CCT5: variants seen among roughly 807,000 people sequenced by gnomAD.
CCT5 encodes the protein chaperonin containing TCP1 subunit 5, also known as T-complex protein 1 subunit epsilon.
In CCT5, 6 loss-of-function variants were observed where a neutral mutation model predicts 55.0. The observed-to-expected ratio is 0.11, with a 90% CI of 0.06 to 0.22. The LOEUF is 0.22. CCT5 is among the 10% of genes least tolerant of loss of function. The pLI is 1.00. For synonymous variants in CCT5, 231 were observed against 243.7 expected, an observed-to-expected ratio of 0.95 and a Z score of 0.49; for missense variants, 560 against 694.6, an observed-to-expected ratio of 0.81 and a Z score of 2.18.
upstream of CCT5, chr5:10,250,232 T>C (rs1481937280): frequency 2.5e-6 from 4 of 1,575,952 alleles, no homozygotes; most frequent in African/African-American, 4.0e-5. Flanking sequence ...CCCGCGCGTC[T>C]TGTGCTGCGC....
chr5:10,255,875 A>G (rs1745648671), intron 3 of CCT5, 80 bp from the exon 4 acceptor site: 1 of 1,190,986 alleles, frequency 8.4e-7, no homozygotes, highest in African/African-American at 1.5e-5. Context: ...TTTCCATGAT[A>G]GCATCTAACT....
intron 7 of CCT5, chr5:10,261,285 G>A (rs906393026): frequency 7.8e-6 from 4 of 514,684 alleles, no homozygotes; most frequent in African/African-American, 7.7e-5. Context: ...AGTGAGGGAG[G>A]GCTGCACAGA....
At chr5:10,251,455 C>T (rs1745407637) in intron 1 of CCT5, among the ~76,000 whole-genome samples, 1 of 152,218 alleles carries the variant, frequency 6.6e-6, no homozygotes, top group African/African-American at 2.4e-5. Flanking sequence ...TCCGAGAGGG[C>T]CTTCAGGGTT....
At chr5:10,250,858 G>A (rs1745359204) in intron 1 of CCT5, 18 of 1,050,520 alleles carry the variant, frequency 1.7e-5, no homozygotes, top group South Asian at 3.3e-5. Flanking sequence ...TGGTCCACCC[G>A]CAACGGCCCT....
chr5:10,253,224 G>A (rs1237123991), intron 1 of CCT5, among the ~76,000 whole-genome samples: 1 of 152,186 alleles, frequency 6.6e-6, no homozygotes, highest in Non-Finnish European at 1.5e-5. Context: ...CAGCTACTGG[G>A]GGGCTGAGGC....
chr5:10,254,714 T>G lies in CCT5; in HGVS notation c.207T>G (p.Thr69=), dbSNP rs1579447878. The change falls in exon 3 of 11, where the codon ACT becomes ACG. Residue 69 remains threonine (T), a synonymous_variant. Coordinates refer to ENST00000280326, the MANE Select transcript of CCT5 (RefSeq NM_012073.5). ...TGGTGGATAAGGATGGAGATGTGAC[T>G]GTAACTAATGATGGGGCCACCATCT... is the stretch of plus-strand genomic sequence containing the variant. ...KMMVDKDGDV[T]VTNDGATILS... is the part of the protein sequence containing the mutation. 6.2e-7 allele frequency: 1 copy of G among 1,613,618 alleles called. No homozygotes were observed. The highest frequency in any genetic ancestry group is 8.5e-7 in the Non-Finnish European group (1 of 1,179,652).
chr5:10,260,900 C>G lies in CCT5; in HGVS notation c.982C>G (p.Pro328Ala), dbSNP rs943623000. 6.2e-7 allele frequency: 1 copy of G among 1,613,980 alleles called. No individual in the cohort carries two copies. Among genetic ancestry groups the G allele is most frequent in the African/African-American group, 1.3e-5 (1 of 74,992 alleles). ...GCCTGCGGTTCGCTGGGTAGGAGGA[C>G]CTGAAATTGAGGTAGGATGTTCCAC... ...NLPAVRWVGG[P>A]EIELIAIATG... The change falls in exon 7 of 11, where the codon CCT becomes GCT. Residue 328 changes from proline to alanine, a missense_variant. Pro to Ala is a conservative substitution (Grantham distance 27). Around this residue, in one of 4 missense-constraint regions of CCT5, gnomAD observed 256 missense variants for 372.4 expected, o/e 0.69. Coordinates refer to ENST00000280326, the MANE Select transcript of CCT5 (RefSeq NM_012073.5).
intron 6 of CCT5, 128 bp from the exon 7 acceptor site, chr5:10,260,664 C>G: frequency 1.0e-6 from 1 of 960,402 alleles, no homozygotes; most frequent in Non-Finnish European, 1.7e-6. Flanking sequence ...CCTTCCTTCT[C>G]TTTCCTTTGC....
chr5:10,250,765 G>A (rs1745352890), intron 1 of CCT5: 3 of 1,216,046 alleles, frequency 2.5e-6, no homozygotes, highest in Non-Finnish European at 3.1e-6. Flanking sequence ...CCTGACGGCC[G>A]CGTGGGACTG....
In CCT5 at chr5:10,265,205, A is replaced by G. The variant is rs752211523; in HGVS notation, c.*422A>G. ...ATGGGCTTGATCCTCTTCCTATCTA[A>G]ATGGGTGGGCCATTTGATTGTAGAG... On this transcript the variant is annotated 3_prime_UTR_variant, in exon 11 of 11. Coordinates refer to ENST00000280326, the MANE Select transcript of CCT5 (RefSeq NM_012073.5). 14 of 201,036 alleles carry G rather than the reference A, an allele frequency of 7.0e-5. No individual in the cohort carries two copies. The highest frequency in any genetic ancestry group is 1.2e-4 in the Non-Finnish European group (12 of 98,116). The allele number at this position is 201,036 out of a possible 1,614,324, so 12.5% of individuals were successfully genotyped here. A position where few individuals can be genotyped will look rare whatever the true frequency, so the allele number is the denominator to read the frequency against.
At position 10,250,457 on chromosome 5, in the gene CCT5, G is replaced by A; in HGVS notation, c.105+12G>A. The A allele has an allele frequency of 6.2e-7, 1 of 1,612,488 alleles. No individual in the cohort carries two copies. The highest frequency in any genetic ancestry group is 1.1e-5 in the South Asian group (1 of 90,976). On this transcript the variant is annotated intron_variant, in intron 1 of 10. Coordinates refer to ENST00000280326, the MANE Select transcript of CCT5 (RefSeq NM_012073.5). ...TTGAGGCCCTCAAGGTAATGGCACA[G>A]GGACCTGCTCGCGGTGGGCTAAGGG...
intron 1 of CCT5, 76 bp from the exon 2 acceptor site, chr5:10,254,069 T>C: frequency 1.1e-6 from 1 of 942,606 alleles, no homozygotes; most frequent in Non-Finnish European, 1.8e-6. Context: ...AAGTGATTTT[T>C]GTAGTCATCA....
chr5:10,260,945 T>A (rs370360616), intron 7 of CCT5, 34 bp downstream of exon 7: 4 of 1,611,906 alleles, frequency 2.5e-6, no homozygotes, highest in Non-Finnish European at 3.4e-6. Context: ...CTTTGAGAAG[T>A]AGGGGTTCAT....
Position 10,260,037 on chromosome 5 carries a change from G to A in CCT5, c.874-755G>A, listed in dbSNP as rs571952664. ...GGTTGCAGGGGCAGGTTGGTTTTCCGGGGTTGTGACGGAGAGATTGTATAA... is the reference window on the plus strand; with the variant it reads ...GGTTGCAGGGGCAGGTTGGTTTTCCAGGGTTGTGACGGAGAGATTGTATAA... On this transcript the variant is annotated intron_variant, in intron 6 of 10. Transcript: ENST00000280326. 1.1e-4 allele frequency among the ~76,000 whole-genome samples: 16 copies of A among 152,314 alleles called. 1 individual carries two copies. Among genetic ancestry groups the A allele is most frequent in the Admixed American group, 5.9e-4 (9 of 15,298 alleles).
chr5:10,260,820 T>G lies in CCT5; in HGVS notation c.902T>G (p.Ile301Ser). 6.2e-7 allele frequency: 1 copy of G among 1,614,050 alleles called. No homozygotes were observed. Among genetic ancestry groups the G allele is most frequent in the South Asian group, 1.1e-5 (1 of 91,082 alleles). ...AAAGAGACTGGTGCTAACCTAGCAA[T>G]TTGTCAGTGGGGCTTTGATGATGAA... is the stretch of plus-strand genomic sequence containing the variant. ...QIKETGANLAICQWGFDDEAN... is the reference protein window; with the variant it reads ...QIKETGANLASCQWGFDDEAN... The change falls in exon 7 of 11, where the codon ATT becomes AGT. Residue 301 changes from isoleucine (I) to serine (S), a missense_variant. Physicochemically the swap from Ile to Ser is moderately radical, Grantham distance 142. Coordinates refer to ENST00000280326, the MANE Select transcript of CCT5 (RefSeq NM_012073.5).
chr5:10,255,937 C>T lies in CCT5; in HGVS notation c.332-18C>T. On this transcript the variant is annotated intron_variant, in intron 3 of 10. Coordinates refer to ENST00000280326, the MANE Select transcript of CCT5 (RefSeq NM_012073.5). Reference sequence around the variant, plus strand: ...TTTGTTGTTTGCCTGAACTGATTGTCTGCTGGCTTATTTGCAGTCCTGGCT... The same window carrying T: ...TTTGTTGTTTGCCTGAACTGATTGTTTGCTGGCTTATTTGCAGTCCTGGCT... 6.2e-7 allele frequency: 1 copy of T among 1,610,852 alleles called. No homozygotes were observed. Among genetic ancestry groups the T allele is most frequent in the Non-Finnish European group, 8.5e-7 (1 of 1,178,550 alleles).
At chr5:10,262,654 G>T in intron 9 of CCT5, 36 bp downstream of exon 9, 1 of 1,611,614 alleles carries the variant, frequency 6.2e-7, no homozygotes, top group South Asian at 1.1e-5. Flanking sequence ...AAAGATTCAG[G>T]CCTCGCTGAT....
At chr5:10,261,970 A>G (rs1745985579) in intron 8 of CCT5, 2 of 537,112 alleles carry the variant, frequency 3.7e-6, no homozygotes, top group Admixed American at 3.1e-5. Flanking sequence ...AATATACACT[A>G]TGAGATTTTT....
chr5:10,262,551 G>A lies in CCT5; in HGVS notation c.1250G>A (p.Arg417His), dbSNP rs761273276. 8.1e-6 allele frequency: 13 copies of A among 1,614,122 alleles called. No individual in the cohort carries two copies. Among genetic ancestry groups the A allele is most frequent in the South Asian group, 5.5e-5 (5 of 91,092 alleles). The change falls in exon 9 of 11, where the codon CGT becomes CAT. Residue 417 changes from arginine to histidine, a missense_variant. Physicochemically the swap from Arg to His is conservative, Grantham distance 29 (BLOSUM62 0). Coordinates refer to ENST00000280326, the MANE Select transcript of CCT5 (RefSeq NM_012073.5). ...CVIRNLIRDN[R>H]VVYGGGAAEI... ...ATCCGGAACCTCATCCGCGATAATCGTGTGGTGTATGGAGGAGGGGCTGCT... is the reference window on the plus strand; with the variant it reads ...ATCCGGAACCTCATCCGCGATAATCATGTGGTGTATGGAGGAGGGGCTGCT...
Sources: gnomAD v4.1 joint callset for allele counts (sites outside exome capture counted in the v4.1 genomes callset) on GRCh38, gnomAD v4.1.1 for gene constraint, gnomAD v4.1.1 regional missense constraint, MANE v1.5 for transcripts, NCBI Gene and HGNC (gene_info 2026-07-23, HGNC 2026-07-21) for gene names.